OR2T10: variants seen among roughly 807,000 people sequenced by gnomAD.
OR2T10 encodes the protein olfactory receptor 2T10.
For missense variants in OR2T10, 335 were observed against 382.5 expected (o/e 0.88, Z 1.04); for synonymous variants, 125 against 141.8 (o/e 0.88, Z 0.84).
At chr1:248,595,337 T>C (rs2103089182) in intron 1 of OR2T10, among the ~76,000 whole-genome samples, 1 of 144,244 alleles carries the variant, frequency 6.9e-6, no homozygotes, top group East Asian at 2.0e-4. Context: ...ATCCTTTTTA[T>C]ATTGCAGCTT....
chr1:248,594,897 T>C (rs1475089936), intron 1 of OR2T10: 1 of 142,830 alleles, frequency 7.0e-6, no homozygotes, highest in African/African-American at 2.8e-5. Flanking sequence ...GGTTCAAGCA[T>C]GGGGGTCTCT....
chr1:248,592,732 G>T lies in OR2T10; in HGVS notation c.*98C>A. ...ATCCCCCTGAAGGACAACTCAGGGA[G>T]TCAGACACTACCACAATATGCTGAT... is the stretch of plus-strand genomic sequence containing the variant. On this transcript the variant is annotated 3_prime_UTR_variant, in exon 2 of 2. Transcript: ENST00000642090. 1 of 717,224 alleles carries T rather than the reference G, an allele frequency of 1.4e-6. No homozygotes were observed. Among genetic ancestry groups the T allele is most frequent in the Non-Finnish European group, 2.3e-6 (1 of 440,912 alleles). 44.4% of individuals were successfully genotyped at this position (717,224 alleles called of 1,614,324 possible).
chr1:248,597,102 T>C (rs1336737402), intron 1 of OR2T10, among the ~76,000 whole-genome samples: 1 of 143,794 alleles, frequency 7.0e-6, no homozygotes, highest in Non-Finnish European at 1.5e-5. Flanking sequence ...GCTCAAGATC[T>C]GAAATCAGTT....
rs1017697153 is a variant in OR2T10 at position 248,594,378 on chromosome 1, C to A, written c.-28-582G>T. 1.4e-5 allele frequency among the ~76,000 whole-genome samples: 2 copies of A among 143,632 alleles called. 1 individual carries two copies. The highest frequency in any genetic ancestry group is 3.0e-5 in the Non-Finnish European group (2 of 66,338). 94.2% of individuals were successfully genotyped at this position (143,632 alleles called of 152,430 possible). On this transcript the variant is annotated intron_variant, in intron 1 of 1. Coordinates refer to ENST00000642090, the MANE Select transcript of OR2T10 (RefSeq NM_001004693.2). ...TAACGTTACAAATTTAGTCAAATTT[C>A]TTTAAATGTATTAAAGACACTAGTA...
chr1:248,595,690 T>A (rs1387201853), intron 1 of OR2T10, among the ~76,000 whole-genome samples: 2 of 143,288 alleles, frequency 1.4e-5, no homozygotes, highest in African/African-American at 5.5e-5. Flanking sequence ...ACTAGACTAA[T>A]AAACTATATT....
chr1:248,597,309 A>C lies in OR2T10; in HGVS notation c.-29+183T>G, dbSNP rs1313450792. Among the ~76,000 whole-genome samples, 15 of 122,232 alleles carry C rather than the reference A, an allele frequency of 1.2e-4. 2 individuals carry two copies. The highest frequency in any genetic ancestry group is 2.5e-4 in the Non-Finnish European group (15 of 60,172). 80.2% of individuals were successfully genotyped at this position (122,232 alleles called of 152,430 possible). On this transcript the variant is annotated intron_variant, in intron 1 of 1. Transcript: ENST00000642090. ...TAAATTATAGCTTTGTATTAGGTTA[A>C]ATATGCTTATGAGTTATTTTATGTG...
chr1:248,597,413 GATTA>G (rs1487559638), intron 1 of OR2T10, 75 bp downstream of exon 1: 2 of 142,268 alleles, frequency 1.4e-5, no homozygotes, highest in African/African-American at 5.5e-5. Flanking sequence ...TTACATTGGT[GATTA>G]ATATCAATTG....
rs1329138613 is a variant in OR2T10, at chr1:248,591,921, A to G, written c.*909T>C. On this transcript the variant is annotated 3_prime_UTR_variant, in exon 2 of 2. Transcript: ENST00000642090. ...AATGGTGCCAGATCATAATAATCAC[A>G]CAAGACGTTATAATTATTATGTTAT... is the stretch of plus-strand genomic sequence containing the variant. The G allele has an allele frequency of 6.0e-5, 4 of 67,084 alleles. No homozygotes were observed. Among genetic ancestry groups the G allele is most frequent in the Non-Finnish European group, 4.4e-5 (1 of 22,788 alleles). 4.2% of individuals were successfully genotyped at this position (67,084 alleles called of 1,614,324 possible).
rs1193961445 is a variant in OR2T10, at chr1:248,593,216, A to G, written c.553T>C (p.Leu185=). 6.4e-7 allele frequency: 1 copy of G among 1,573,700 alleles called. No homozygotes were observed. The highest frequency in any genetic ancestry group is 1.1e-5 in the South Asian group (1 of 88,958). The part of the protein sequence containing the change: ...QHFFCEVPAV[L]KLSCSDTSLY... ...GAGGTGTCTGAGCAAGAGAGCTTCA[A>G]AACAGCAGGGACCTCACAGAAGAAG... The change falls in exon 2 of 2, where the codon TTG becomes CTG. Residue 185 remains leucine (L), a synonymous_variant. Coordinates refer to ENST00000642090, the MANE Select transcript of OR2T10 (RefSeq NM_001004693.2).
rs1189125890 is a variant in OR2T10 at position 248,595,734 on chromosome 1, A to T, written c.-29+1758T>A. 1.4e-5 allele frequency among the ~76,000 whole-genome samples: 2 copies of T among 143,632 alleles called. 1 individual carries two copies. The highest frequency in any genetic ancestry group is 5.5e-5 in the African/African-American group (2 of 36,664). 94.2% of individuals were successfully genotyped at this position (143,632 alleles called of 152,430 possible). The stretch of plus-strand genomic sequence containing the variant: ...GCAGAAAGTAATTTTCTAAGTATAA[A>T]GGCAAAATAAATAATTCCCAATAAA... On this transcript the variant is annotated intron_variant, in intron 1 of 1. Coordinates refer to ENST00000642090, the MANE Select transcript of OR2T10 (RefSeq NM_001004693.2).
Position 248,593,387 on chromosome 1 carries a change from G to A in OR2T10, c.382C>T (p.His128Tyr), listed in dbSNP as rs559437384. The A allele has an allele frequency of 1.3e-4, 200 of 1,572,642 alleles. 27 individuals carry two copies. The Middle Eastern group carries it at 1.7e-3, about 13-fold the overall frequency. Residue 128 changes from histidine to tyrosine, a missense_variant, in exon 2 of 2, where the codon CAT (histidine) becomes TAT (tyrosine). Physicochemically the swap from His to Tyr is moderately conservative, Grantham distance 83. Transcript: ENST00000642090. ...MAYDRYVAIC[H>Y]PLRYSVLMSH... ...ATGAGCACAGAGTAACGGAGAGGAT[G>A]GCAGATAGCCACATAGCGGTCATAG...
rs1287652744 is a variant in OR2T10 at position 248,593,698 on chromosome 1, G to A, written c.71C>T (p.Pro24Leu). 14 of 1,565,148 alleles carry A rather than the reference G, an allele frequency of 8.9e-6. 2 individuals are homozygous for A. In the South Asian group the frequency reaches 1.2e-4, roughly 14 times the overall value. Residue 24 changes from proline to leucine, a missense_variant, in exon 2 of 2, where the codon CCT becomes CTT. By Grantham distance (98) the Pro-to-Leu change is moderately conservative (BLOSUM62 -3). Coordinates refer to ENST00000642090, the MANE Select transcript of OR2T10 (RefSeq NM_001004693.2). ...GAAGATAAGCAAGCAGAGGCGGCCAGGGTGTGAGATCTGGCTGAAGATTCC... is the reference window on the plus strand; with the variant it reads ...GAAGATAAGCAAGCAGAGGCGGCCAAGGTGTGAGATCTGGCTGAAGATTCC... ...LLGIFSQISH[P>L]GRLCLLIFSI... is the part of the protein sequence containing the mutation.
rs1256856901 is a variant in OR2T10, at chr1:248,593,974, A to C, written c.-28-178T>G. Among the ~76,000 whole-genome samples, 7 of 143,224 alleles carry C rather than the reference A, an allele frequency of 4.9e-5. 1 individual carries two copies. The allele number at this position is 143,224 out of a possible 152,430, so 94.0% of individuals were successfully genotyped here. Reference sequence around the variant, plus strand: ...TTGTGAATCTGATTCCCCATCTAGAATGGGAATGAAATATTTATATTCTCA... The same window carrying C: ...TTGTGAATCTGATTCCCCATCTAGACTGGGAATGAAATATTTATATTCTCA... On this transcript the variant is annotated intron_variant, in intron 1 of 1. Coordinates refer to ENST00000642090, the MANE Select transcript of OR2T10 (RefSeq NM_001004693.2).
rs1443832089 is a variant in OR2T10 at position 248,590,562 on chromosome 1, A to T, written c.*2268T>A. The stretch of plus-strand genomic sequence containing the variant: ...CTTATGGGGCACATGTGATATTTTG[A>T]TACATGCATGCAATGTGTAATAATT... On this transcript the variant is annotated 3_prime_UTR_variant, in exon 2 of 2. Coordinates refer to ENST00000642090, the MANE Select transcript of OR2T10 (RefSeq NM_001004693.2). 3 of 143,926 alleles carry T rather than the reference A, an allele frequency of 2.1e-5. 1 individual carries two copies. The highest frequency in any genetic ancestry group is 8.2e-5 in the African/African-American group (3 of 36,676). The allele number at this position is 143,926 out of a possible 1,614,324, so 8.9% of individuals were successfully genotyped here. A position where few individuals can be genotyped will look rare whatever the true frequency, so the allele number is the denominator to read the frequency against.
At position 248,593,301 on chromosome 1, in the gene OR2T10, G is replaced by A; in HGVS notation, c.468C>T (p.Gly156=). The A allele has an allele frequency of 6.4e-7, 1 of 1,573,096 alleles. No individual in the cohort carries two copies. Among genetic ancestry groups the A allele is most frequent in the Non-Finnish European group, 8.6e-7 (1 of 1,156,690 alleles). Residue 156 remains glycine, a synonymous_variant, in exon 2 of 2, where the codon GGC becomes GGT. Transcript: ENST00000642090. ...SGCWFVGSVD[G]FMLTPIAMSF... is the part of the protein sequence containing the mutation. ...TCATGGCGATGGGAGTGAGCATGAA[G>A]CCATCCACTGAGCCCACAAACCAGC...
In OR2T10 at chr1:248,591,592, A is replaced by C. The variant is rs1466760980; in HGVS notation, c.*1238T>G. 1 of 143,838 alleles carries C rather than the reference A, an allele frequency of 7.0e-6. No individual in the cohort carries two copies. Among genetic ancestry groups the C allele is most frequent in the Non-Finnish European group, 1.5e-5 (1 of 66,400 alleles). 8.9% of individuals were successfully genotyped at this position (143,838 alleles called of 1,614,324 possible). ...AAACATTCCGAAGAGAGGGAAAGCC[A>C]CGTGAAAACATTGGGTATGGAAAGA... On this transcript the variant is annotated 3_prime_UTR_variant, in exon 2 of 2. Transcript: ENST00000642090.
In OR2T10 at chr1:248,590,636, T is replaced by C. The variant is rs2103086984; in HGVS notation, c.*2194A>G. The C allele has an allele frequency of 7.0e-6, 1 of 143,622 alleles. No individual in the cohort carries two copies. Among genetic ancestry groups the C allele is most frequent in the Non-Finnish European group, 1.5e-5 (1 of 66,296 alleles). 8.9% of individuals were successfully genotyped at this position (143,622 alleles called of 1,614,324 possible). On this transcript the variant is annotated 3_prime_UTR_variant, in exon 2 of 2. Transcript: ENST00000642090. ...TGAGCTATAACTTCTAACCATATTC[T>C]ATTTGGCCCATCTGTTTCACGTCTC...
rs1426674626 is a variant in OR2T10, at chr1:248,591,027, G to A, written c.*1803C>T. On this transcript the variant is annotated 3_prime_UTR_variant, in exon 2 of 2. Transcript: ENST00000642090. ...GAATTTTATCCACTTTTGTTTGTTG[G>A]AAAAATTTATTTTACTATCATTTTT... is the stretch of plus-strand genomic sequence containing the variant. The A allele has an allele frequency of 1.4e-5, 2 of 143,012 alleles. No individual in the cohort carries two copies. Among genetic ancestry groups the A allele is most frequent in the African/African-American group, 5.5e-5 (2 of 36,314 alleles). 8.9% of individuals were successfully genotyped at this position (143,012 alleles called of 1,614,324 possible).
At chr1:248,595,219 CTACT>C (rs1386941300) in intron 1 of OR2T10, among the ~76,000 whole-genome samples, 2 of 143,040 alleles carry the variant, frequency 1.4e-5, no homozygotes, top group Non-Finnish European at 3.0e-5. Context: ...TTATTATTCT[CTACT>C]TAAAGAAAAT....
Sources: gnomAD v4.1 joint callset for allele counts (sites outside exome capture counted in the v4.1 genomes callset) on GRCh38, gnomAD v4.1.1 for gene constraint, MANE v1.5 for transcripts, NCBI Gene and HGNC (gene_info 2026-07-23, HGNC 2026-07-21) for gene names.